The following ANKFY1 variants were observed in gnomAD, a reference collection of about 807,000 sequenced individuals.
ANKFY1 encodes the protein ankyrin repeat and FYVE domain-containing protein 1.
A neutral mutation model predicts 128.3 loss-of-function variants in ANKFY1; 47 were observed. That is an observed-to-expected ratio of 0.37 (90% CI 0.29 to 0.47). The LOEUF (loss-of-function observed/expected upper bound fraction) is 0.47, where lower values mean the gene tolerates loss of function less well. Ranked by LOEUF, ANKFY1 falls within the 20% of genes least tolerant of loss-of-function variation. ANKFY1 has a pLI of 1.00. For synonymous variants in ANKFY1, 553 were observed against 601.6 expected, an observed-to-expected ratio of 0.92 and a Z score of 1.18; for missense variants, 1,222 against 1,510.6, an observed-to-expected ratio of 0.81 and a Z score of 3.17.
At chr17:4,263,469 C>A in intron 1 of ANKFY1, 8 of 819,942 alleles carry the variant, frequency 9.8e-6, no homozygotes, top group South Asian at 1.7e-5. Context: ...CTCGCCCCCA[C>A]CCCACCCCAC....
intron 11 of ANKFY1, among the ~76,000 whole-genome samples, chr17:4,185,740 CTT>C (rs35568034): frequency 2.0e-5 from 3 of 151,962 alleles, no homozygotes; most frequent in Non-Finnish European, 4.4e-5. Context: ...TTTTATAATT[CTT>C]TTTTTTCTAA....
intron 4 of ANKFY1, 137 bp from the exon 5 acceptor site, chr17:4,210,084 G>A: frequency 3.1e-6 from 2 of 647,956 alleles, no homozygotes; most frequent in East Asian, 3.2e-5. Flanking sequence ...AAAGGGTTAT[G>A]AATAAATTAC....
chr17:4,207,491 T>C (rs1326700820), intron 6 of ANKFY1, among the ~76,000 whole-genome samples: 1 of 152,202 alleles, frequency 6.6e-6, no homozygotes, highest in Non-Finnish European at 1.5e-5. Flanking sequence ...TGGATTCTCC[T>C]CTTGAGTCTC....
intron 3 of ANKFY1, chr17:4,223,844 T>A: frequency 8.8e-7 from 1 of 1,132,008 alleles, no homozygotes; most frequent in South Asian, 1.4e-5. Flanking sequence ...TCTCTCGCAA[T>A]CCCACAGCAT....
At chr17:4,188,514 G>A (rs866623940) in intron 11 of ANKFY1, 1 of 152,144 alleles carries the variant, frequency 6.6e-6, no homozygotes, top group African/African-American at 2.4e-5. Flanking sequence ...TGTGGGAAAG[G>A]CTTCTTCAAT....
At chr17:4,186,088 C>G (rs1007474500) in intron 11 of ANKFY1, among the ~76,000 whole-genome samples, 3 of 152,186 alleles carry the variant, frequency 2.0e-5, no homozygotes, top group African/African-American at 7.2e-5. Flanking sequence ...ATGTTTCTCT[C>G]CATTGACAGA....
chr17:4,260,799 T>C (rs1567986989), intron 1 of ANKFY1, among the ~76,000 whole-genome samples: 1 of 152,084 alleles, frequency 6.6e-6, no homozygotes, highest in African/African-American at 2.4e-5. Context: ...ACAAGTCACA[T>C]AAGAAGCTGT....
intron 1 of ANKFY1, among the ~76,000 whole-genome samples, chr17:4,257,289 T>G (rs181822551): frequency 9.8e-5 from 15 of 152,302 alleles, no homozygotes; most frequent in African/African-American, 3.6e-4. Context: ...GCTCTCTGAC[T>G]TCCTTTCTTC....
intron 10 of ANKFY1, among the ~76,000 whole-genome samples, chr17:4,192,490 T>C (rs1398036515): frequency 2.2e-4 from 33 of 151,590 alleles, no homozygotes; most frequent in Admixed American, 2.2e-3. Flanking sequence ...TACTCTAATC[T>C]GGAGACTCCT....
chr17:4,256,594 T>C (rs1411665198), intron 1 of ANKFY1, among the ~76,000 whole-genome samples: 2 of 152,168 alleles, frequency 1.3e-5, no homozygotes, highest in African/African-American at 4.8e-5. Context: ...GAGATAACTT[T>C]TTGGTGACTG....
intron 19 of ANKFY1, among the ~76,000 whole-genome samples, chr17:4,175,592 C>A (rs1174032607): frequency 6.6e-6 from 1 of 152,208 alleles, no homozygotes; most frequent in Non-Finnish European, 1.5e-5. Context: ...CTGGGAAAAT[C>A]TAGGTGCTGC....
At chr17:4,222,562 A>G (rs2060344398) in intron 3 of ANKFY1, 11 of 1,252,700 alleles carry the variant, frequency 8.8e-6, no homozygotes, top group Non-Finnish European at 1.3e-5. Flanking sequence ...CTGTACTGGC[A>G]AAGTAGATTC....
Position 4,181,654 on chromosome 17 carries a change from G to C in ANKFY1, c.2122-282C>G, listed in dbSNP as rs569772219. Among the ~76,000 whole-genome samples, 1 of 152,328 alleles carries C rather than the reference G, an allele frequency of 6.6e-6. No homozygotes were observed. Among genetic ancestry groups the C allele is most frequent in the South Asian group, 2.1e-4 (1 of 4,832 alleles). ...TTAGAGCTGAGTTCTAGAAGGGACA[G>C]AAAACAGAAAGTGTCTGTGTACACA... On this transcript the variant is annotated intron_variant, in intron 15 of 24. Coordinates refer to ENST00000341657, the MANE Select transcript of ANKFY1 (RefSeq NM_001330063.2). The surrounding 1 kb of genome is among the most constrained non-coding windows in gnomAD (Gnocchi z 4.9).
At chr17:4,252,447 C>G (rs1473439267) in intron 1 of ANKFY1, among the ~76,000 whole-genome samples, 3 of 151,998 alleles carry the variant, frequency 2.0e-5, no homozygotes, top group Admixed American at 6.6e-5. Context: ...TGTGCACCTG[C>G]AGTCCTAGCC....
chr17:4,173,344 A>C lies in ANKFY1; in HGVS notation c.3014+10T>G. The C allele has an allele frequency of 6.2e-7, 1 of 1,613,616 alleles. No individual in the cohort carries two copies. The highest frequency in any genetic ancestry group is 8.5e-7 in the Non-Finnish European group (1 of 1,179,704). Reference sequence around the variant, plus strand: ...GCGCCGCGGGGCCTACTCGGGCCCAACGCGCTCACCTGAGATTAAAGGCTT... The same window carrying C: ...GCGCCGCGGGGCCTACTCGGGCCCACCGCGCTCACCTGAGATTAAAGGCTT... On this transcript the variant is annotated intron_variant, in intron 21 of 24. Coordinates refer to ENST00000341657, the MANE Select transcript of ANKFY1 (RefSeq NM_001330063.2).
chr17:4,180,203 G>A (rs981168640), intron 16 of ANKFY1: 1 of 273,556 alleles, frequency 3.7e-6, no homozygotes, highest in African/African-American at 2.2e-5. Context: ...CGAGGCAGGT[G>A]GATCACCTCA....
intron 23 of ANKFY1, 45 bp downstream of exon 23, chr17:4,170,670 C>T: frequency 1.3e-6 from 2 of 1,573,094 alleles, no homozygotes; most frequent in Non-Finnish European, 1.7e-6. Context: ...GATCCCAACA[C>T]TACGACTGTG....
At chr17:4,222,662 C>A (rs2060346320) in intron 3 of ANKFY1, 2 of 895,368 alleles carry the variant, frequency 2.2e-6, no homozygotes, top group South Asian at 2.7e-5. Context: ...AAAATGTGCA[C>A]CAAAAATGGC....
chr17:4,206,806 G>A (rs996202378), intron 6 of ANKFY1, among the ~76,000 whole-genome samples: 4 of 152,166 alleles, frequency 2.6e-5, no homozygotes, highest in Non-Finnish European at 5.9e-5. Context: ...AGAGTTTTAC[G>A]GTGAACAGCT....
Sources: allele counts gnomAD v4.1 joint callset (sites outside exome capture counted in the v4.1 genomes callset), GRCh38; gene constraint gnomAD v4.1.1; non-coding constraint Gnocchi (gnomAD v3.1); transcripts MANE v1.5; gene names NCBI Gene and HGNC (gene_info 2026-07-23, HGNC 2026-07-21).